Variants in PAK6 observed in about 807,000 individuals in gnomAD.
PAK6 encodes the protein serine/threonine-protein kinase PAK 6.
PAK6 carries 33 observed loss-of-function variants against 60.8 expected under a neutral mutation model. The observed-to-expected ratio is 0.54, with a 90% CI of 0.41 to 0.73. PAK6 has a LOEUF of 0.73. Ranked by LOEUF, PAK6 falls within the 30% of genes least tolerant of loss-of-function variation. PAK6 has a pLI of 0.00. For synonymous variants in PAK6, 404 were observed against 378.5 expected, an observed-to-expected ratio of 1.07 and a Z score of -0.78; for missense variants, 845 against 904.1, an observed-to-expected ratio of 0.93 and a Z score of 0.84.
rs575102441 is a variant in PAK6, at chr15:40,240,173, C to T, written c.-201+371C>T. 1.2e-4 allele frequency: 19 copies of T among 157,646 alleles called. No homozygotes were observed. The South Asian group carries it at 2.7e-3, about 22-fold the overall frequency. 9.8% of individuals were successfully genotyped at this position (157,646 alleles called of 1,614,324 possible). On this transcript the variant is annotated intron_variant, in intron 1 of 10. Transcript: ENST00000560346. ...CTGGACAGCCCATCAGCTGCCCCTT[C>T]ATTCTGGCAGGCCTGGGTACCAAGG... is the stretch of plus-strand genomic sequence containing the variant.
Position 40,273,461 on chromosome 15 carries a change from C to T in PAK6, c.1606C>T (p.Leu536Phe), listed in dbSNP as rs544478594. Reference sequence around the variant, plus strand: ...CAAGAGTGACTCCATCCTGCTGACCCTCGATGGCAGGGTAGGTCCCATCCT... The same window carrying T: ...CAAGAGTGACTCCATCCTGCTGACCTTCGATGGCAGGGTAGGTCCCATCCT... Residue 536 changes from leucine to phenylalanine, a missense_variant, in exon 8 of 11, where the codon CTC becomes TTC. Physicochemically the swap from Leu to Phe is conservative, Grantham distance 22. Transcript: ENST00000560346. The T allele has an allele frequency of 1.4e-5, 22 of 1,613,834 alleles. No homozygotes were observed. In the South Asian group the frequency reaches 2.4e-4, roughly 18 times the overall value.
chr15:40,242,738 G>C (rs2038390502), intron 2 of PAK6, among the ~76,000 whole-genome samples: 1 of 152,146 alleles, frequency 6.6e-6, no homozygotes, highest in Non-Finnish European at 1.5e-5. Context: ...CCAGAGCTCA[G>C]CCCTAGGGGC....
chr15:40,275,873 T>TC, intron 10 of PAK6, 54 bp from the exon 11 acceptor site: 1 of 1,523,638 alleles, frequency 6.6e-7, no homozygotes, highest in Non-Finnish European at 9.0e-7. Flanking sequence ...GGCAATCAGG[T>TC]CACCCCGAAG....
chr15:40,261,400 G>A (rs561597755), intron 3 of PAK6, among the ~76,000 whole-genome samples: 1 of 152,048 alleles, frequency 6.6e-6, no homozygotes, highest in Non-Finnish European at 1.5e-5. Flanking sequence ...AGCTGGGCGT[G>A]ATGGCGTGCG....
chr15:40,246,986 A>T (rs2038512542), intron 2 of PAK6: 1 of 152,430 alleles, frequency 6.6e-6, no homozygotes, highest in Admixed American at 6.5e-5. Context: ...TCAGGCAACA[A>T]ATACCCTGCT....
At chr15:40,263,327 C>T (rs1412474140) in intron 3 of PAK6, among the ~76,000 whole-genome samples, 1 of 152,200 alleles carries the variant, frequency 6.6e-6, no homozygotes. Context: ...TACATAAGAA[C>T]CCAGTGAGCT....
At chr15:40,269,952 G>T (rs2039256241) in intron 5 of PAK6, among the ~76,000 whole-genome samples, 1 of 152,252 alleles carries the variant, frequency 6.6e-6, no homozygotes, top group Non-Finnish European at 1.5e-5. Flanking sequence ...GGAGGGGAAT[G>T]ATCTCATTTT....
Position 40,266,514 on chromosome 15 carries a change from C to A in PAK6, c.858+19C>A. On this transcript the variant is annotated intron_variant, in intron 5 of 10. Transcript: ENST00000560346. ...GAGCAAGGTAAGTCAGGAGCCTGGC[C>A]TGCAGGTGTCCACTGGGGAGTGGGT... 6.4e-7 allele frequency: 1 copy of A among 1,573,450 alleles called. No individual in the cohort carries two copies. The highest frequency in any genetic ancestry group is 8.6e-7 in the Non-Finnish European group (1 of 1,160,098).
rs1448905930 is a variant in PAK6 at position 40,275,280 on chromosome 15, G to GTTTTCTTTTTTTTTTTTTTTT, written c.1879-643_1879-642insCTTTTTTTTTTTTTTTTTTTT. ...GACTTGTTTGTTTCTGTTGTTGTTG[G>GTTTTCTTTTTTTTTTTTTTTT]TTTTTTTTTTTTTTTTTTTTTTGGA... On this transcript the variant is annotated intron_variant, in intron 10 of 10. Transcript: ENST00000560346. Among the ~76,000 whole-genome samples, 7 of 56,486 alleles carry GTTTTCTTTTTTTTTTTTTTTT rather than the reference G, an allele frequency of 1.2e-4. 3 individuals carry two copies. The highest frequency in any genetic ancestry group is 3.6e-4 in the African/African-American group (5 of 13,812). The allele number at this position is 56,486 out of a possible 152,430, so 37.1% of individuals were successfully genotyped here.
chr15:40,265,813 CCA>C (rs1454124449), intron 4 of PAK6, 27 bp from the exon 5 acceptor site: 2 of 1,503,010 alleles, frequency 1.3e-6, no homozygotes, highest in African/African-American at 1.4e-5. Flanking sequence ...TGGGCAGCTC[CCA>C]CACACTCTTT....
exon 6 of PAK6, chr15:40,272,342 C>T (rs2039329178): frequency 6.2e-7 from 1 of 1,613,738 alleles, no homozygotes; most frequent in Admixed American, 1.7e-5. Flanking sequence ...ACTTCGGATA[C>T]CAGCAGCCCC....
At chr15:40,241,057 C>T (rs991717648) in intron 2 of PAK6, among the ~76,000 whole-genome samples, 11 of 152,316 alleles carry the variant, frequency 7.2e-5, no homozygotes, top group African/African-American at 2.6e-4. Context: ...GTCCCAGGCT[C>T]CAAGTCACAC....
At chr15:40,252,506 G>A in intron 2 of PAK6, 1 of 1,363,446 alleles carries the variant, frequency 7.3e-7, no homozygotes, top group Non-Finnish European at 9.8e-7. Flanking sequence ...CCCGCGCTCT[G>A]GGTTCGCCGC....
intron 2 of PAK6, among the ~76,000 whole-genome samples, chr15:40,241,236 G>A (rs1210265491): frequency 2.6e-5 from 4 of 152,188 alleles, no homozygotes; most frequent in Non-Finnish European, 5.9e-5. Flanking sequence ...GGCCCAGTGA[G>A]CTCGGGTTTA....
intron 7 of PAK6, 62 bp downstream of exon 7, chr15:40,273,061 C>A (rs2039355456): frequency 1.9e-6 from 3 of 1,584,312 alleles, no homozygotes; most frequent in East Asian, 2.2e-5. Context: ...CCTGCCAGGG[C>A]AATGTGGTCT....
chr15:40,277,367 G>A (rs1392242756), exon 11 of PAK6: 1 of 152,552 alleles, frequency 6.6e-6, no homozygotes, highest in East Asian at 1.9e-4. Context: ...TGGGGGCAAA[G>A]AAATTGCAAG....
chr15:40,246,680 T>C lies in PAK6; in HGVS notation c.-118+5999T>C, dbSNP rs532008912. On this transcript the variant is annotated intron_variant, in intron 2 of 10. Transcript: ENST00000560346. ...CAGTGGTGTTACCAGAACCCTGCTA[T>C]GTCAGCGTTCAAATACATGTCCCAG... 4 of 152,374 alleles carry C rather than the reference T, an allele frequency of 2.6e-5. No individual in the cohort carries two copies. In the East Asian group the frequency reaches 7.7e-4, roughly 29 times the overall value. The allele number at this position is 152,374 out of a possible 1,614,324, so 9.4% of individuals were successfully genotyped here.
intron 3 of PAK6, among the ~76,000 whole-genome samples, chr15:40,263,320 A>G (rs893164409): frequency 1.3e-5 from 2 of 152,214 alleles, no homozygotes; most frequent in Non-Finnish European, 2.9e-5. Flanking sequence ...TTTCAGATAC[A>G]TAAGAACCCA....
intron 5 of PAK6, among the ~76,000 whole-genome samples, chr15:40,267,636 G>A (rs565552708): frequency 3.3e-5 from 5 of 152,168 alleles, no homozygotes; most frequent in Non-Finnish European, 7.4e-5. Context: ...TCCAGCCTGG[G>A]GGACAGACAG....
Sources: allele counts gnomAD v4.1 joint callset (sites outside exome capture counted in the v4.1 genomes callset), GRCh38; gene constraint gnomAD v4.1.1; transcripts MANE v1.5; gene names NCBI Gene and HGNC (gene_info 2026-07-23, HGNC 2026-07-21).